Variants in SUSD1 observed in about 807,000 individuals in gnomAD.
SUSD1 encodes the protein sushi domain-containing protein 1.
In SUSD1, 65 loss-of-function variants were observed where a neutral mutation model predicts 86.9. The observed-to-expected ratio is 0.75, with a 90% CI of 0.61 to 0.92. The LOEUF (loss-of-function observed/expected upper bound fraction) is 0.92. Among genes scored for constraint, SUSD1 ranks in the 40% least tolerant of loss-of-function variants. The pLI is 0.00. For synonymous variants in SUSD1, 346 were observed against 350.0 expected, an observed-to-expected ratio of 0.99 and a Z score of 0.13; for missense variants, 850 against 929.7, an observed-to-expected ratio of 0.91 and a Z score of 1.11.
At chr9:112,118,761 A>G (rs997888017) in intron 6 of SUSD1, among the ~76,000 whole-genome samples, 1 of 152,192 alleles carries the variant, frequency 6.6e-6, no homozygotes, top group African/African-American at 2.4e-5. Flanking sequence ...CTGGGATTAC[A>G]GGCGTGAGCC....
intron 8 of SUSD1, among the ~76,000 whole-genome samples, chr9:112,108,873 A>T (rs568017390): frequency 5.3e-5 from 8 of 151,832 alleles, no homozygotes; most frequent in African/African-American, 1.9e-4. Context: ...AGGAGAAATT[A>T]GTGAGTTAGA....
At chr9:112,137,487 C>T (rs1242416315) in intron 5 of SUSD1, among the ~76,000 whole-genome samples, 1 of 152,034 alleles carries the variant, frequency 6.6e-6, no homozygotes, top group East Asian at 1.9e-4. Flanking sequence ...CTATGTAAAT[C>T]CTTAGAGCGT....
At chr9:112,064,598 G>A (rs1004695025) in intron 12 of SUSD1, among the ~76,000 whole-genome samples, 1 of 152,206 alleles carries the variant, frequency 6.6e-6, no homozygotes, top group African/African-American at 2.4e-5. Flanking sequence ...CCGGGTGCGG[G>A]GGTGCGGTGG....
At chr9:112,110,122 G>A (rs1056770818) in intron 8 of SUSD1, among the ~76,000 whole-genome samples, 5 of 152,236 alleles carry the variant, frequency 3.3e-5, no homozygotes, top group Admixed American at 2.0e-4. Flanking sequence ...GCTGAGATGG[G>A]CAGATCACTT....
At chr9:112,133,229 T>G (rs1422683818) in intron 5 of SUSD1, among the ~76,000 whole-genome samples, 1 of 152,112 alleles carries the variant, frequency 6.6e-6, no homozygotes, top group Non-Finnish European at 1.5e-5. Flanking sequence ...GAGCCATGAC[T>G]GCACCACCAC....
chr9:112,061,202 G>C (rs1002718789), intron 13 of SUSD1, among the ~76,000 whole-genome samples: 6 of 152,156 alleles, frequency 3.9e-5, no homozygotes, highest in African/African-American at 1.4e-4. Flanking sequence ...CTTGGTCCCA[G>C]GGACCTTGCT....
chr9:112,089,811 C>CAAAAAAAAAAAAAAAA (rs3983407), intron 10 of SUSD1, among the ~76,000 whole-genome samples: 1 of 115,954 alleles, frequency 8.6e-6, no homozygotes, highest in Non-Finnish European at 1.9e-5. Flanking sequence ...GATTCCATCT[C>CAAAAAAAAAAAAAAAA]AAAAAAAAAA....
chr9:112,053,653 A>G (rs1395600236), intron 14 of SUSD1, among the ~76,000 whole-genome samples: 1 of 152,230 alleles, frequency 6.6e-6, no homozygotes, highest in Non-Finnish European at 1.5e-5. Context: ...AGTAAAGAAC[A>G]TATTTCAAGA....
rs1828831015 is a variant in SUSD1, at chr9:112,063,619, C to T, written c.1754-586G>A. On this transcript the variant is annotated intron_variant, in intron 12 of 16. Transcript: ENST00000374270. ...CACAGAGCTCTCTGTCCTTATTTTC[C>T]CGCCCCCAGCAACAAGATTTCCCAA... 2.0e-5 allele frequency among the ~76,000 whole-genome samples: 3 copies of T among 152,132 alleles called. No individual in the cohort carries two copies. In the South Asian group the frequency reaches 6.2e-4, roughly 32 times the overall value.
intron 4 of SUSD1, among the ~76,000 whole-genome samples, chr9:112,143,119 G>A (rs985482296): frequency 6.7e-6 from 1 of 150,184 alleles, no homozygotes; most frequent in Admixed American, 6.6e-5. Flanking sequence ...TGAGTAGCTG[G>A]GATTACAGGT....
At position 112,102,071 on chromosome 9, in the gene SUSD1, T is replaced by C. The variant is rs1830655717; in HGVS notation, c.1281+105A>G. On this transcript the variant is annotated intron_variant, in intron 9 of 16. Coordinates refer to ENST00000374270, the MANE Select transcript of SUSD1 (RefSeq NM_022486.5). Reference sequence around the variant, plus strand: ...CTCTAGAAACAACAATCACAAACTGTCTAGAAGTTCATTCATTTTTAAATA... The same window carrying C: ...CTCTAGAAACAACAATCACAAACTGCCTAGAAGTTCATTCATTTTTAAATA... 6.8e-6 allele frequency: 4 copies of C among 583,974 alleles called. 1 individual carries two copies. The highest frequency in any genetic ancestry group is 8.5e-4 in the Middle Eastern group (2 of 2,360). The allele number at this position is 583,974 out of a possible 1,614,324, so 36.2% of individuals were successfully genotyped here. A position where few individuals can be genotyped will look rare whatever the true frequency, so the allele number is the denominator to read the frequency against.
At chr9:112,154,791 C>T (rs1833221159) in intron 2 of SUSD1, among the ~76,000 whole-genome samples, 1 of 152,128 alleles carries the variant, frequency 6.6e-6, no homozygotes, top group South Asian at 2.1e-4. Flanking sequence ...GGCTTAATAC[C>T]ATGTTATAGC....
intron 1 of SUSD1, among the ~76,000 whole-genome samples, chr9:112,160,844 G>A (rs983723977): frequency 6.6e-6 from 1 of 152,182 alleles, no homozygotes. Context: ...GAAAATACCT[G>A]CAAGGAGTAG....
intron 10 of SUSD1, among the ~76,000 whole-genome samples, chr9:112,082,179 TAA>T (rs1005536405): frequency 7.8e-4 from 119 of 152,292 alleles, no homozygotes; most frequent in African/African-American, 2.5e-3. Context: ...CCAGTAAATC[TAA>T]GAGACTCAAC....
intron 14 of SUSD1, among the ~76,000 whole-genome samples, chr9:112,055,784 G>C (rs1828420604): frequency 6.6e-6 from 1 of 152,128 alleles, no homozygotes; most frequent in Admixed American, 6.5e-5. Context: ...AAATGAATAA[G>C]CAAACGTGGT....
intron 12 of SUSD1, among the ~76,000 whole-genome samples, chr9:112,078,009 C>T (rs1237682578): frequency 6.6e-6 from 1 of 152,084 alleles, no homozygotes; most frequent in African/African-American, 2.4e-5. Context: ...CCTCCCCCTC[C>T]CCACAGACCT....
At chr9:112,143,690 T>G in intron 3 of SUSD1, 67 bp from the exon 4 acceptor site, 24 of 1,432,460 alleles carry the variant, frequency 1.7e-5, no homozygotes, top group Non-Finnish European at 2.0e-5. Flanking sequence ...AAGGAGAGGA[T>G]ATTGTGACAG....
At chr9:112,072,527 AAC>A (rs1413080594) in intron 12 of SUSD1, among the ~76,000 whole-genome samples, 1 of 152,122 alleles carries the variant, frequency 6.6e-6, no homozygotes, top group African/African-American at 2.4e-5. Flanking sequence ...CCCCTCTCCC[AAC>A]ACACACAGAA....
rs532908693 is a variant in SUSD1, at chr9:112,090,035, A to G, written c.1474+8435T>C. Among the ~76,000 whole-genome samples the G allele has an allele frequency of 5.9e-5, 9 of 152,264 alleles. 1 individual carries two copies. In the South Asian group the frequency reaches 1.9e-3, roughly 32 times the overall value. On this transcript the variant is annotated intron_variant, in intron 10 of 16. Transcript: ENST00000374270. ...TTTGTTCTGCAGGTCATAGTTTGTTAATCCCTGATATTGTGAGACAGAAAA... is the reference window on the plus strand; with the variant it reads ...TTTGTTCTGCAGGTCATAGTTTGTTGATCCCTGATATTGTGAGACAGAAAA...
Sources: allele counts gnomAD v4.1 joint callset (sites outside exome capture counted in the v4.1 genomes callset), GRCh38; gene constraint gnomAD v4.1.1; transcripts MANE v1.5; gene names NCBI Gene and HGNC (gene_info 2026-07-23, HGNC 2026-07-21).